Variants in LARGE1 observed in about 807,000 individuals in gnomAD.
The protein encoded by LARGE1 is xylosyl- and glucuronyltransferase LARGE1.
Under a neutral mutation model 87.6 loss-of-function variants are expected in LARGE1, and 43 were observed. The observed-to-expected ratio is 0.49, with a 90% confidence interval of 0.38 to 0.63. LARGE1 has a LOEUF of 0.63. Among genes scored for constraint, LARGE1 ranks in the 30% least tolerant of loss-of-function variants. The probability of loss-of-function intolerance (pLI) is 0.00; values close to 1 mark genes in which losing one functional copy is unlikely to be tolerated. For synonymous variants in LARGE1, 434 were observed against 394.6 expected, an observed-to-expected ratio of 1.10 and a Z score of -1.18; for missense variants, 802 against 1,000.2, an observed-to-expected ratio of 0.80 and a Z score of 2.67.
At chr22:33,346,301 CTTT>C (rs935097697) in intron 9 of LARGE1, among the ~76,000 whole-genome samples, 4 of 144,432 alleles carry the variant, frequency 2.8e-5, no homozygotes, top group Non-Finnish European at 4.7e-5. Flanking sequence ...CCTCCTTCTT[CTTT>C]TTCTTTTTTT....
downstream of LARGE1, among the ~76,000 whole-genome samples, chr22:33,270,705 T>G (rs1928196602): frequency 6.6e-6 from 1 of 152,204 alleles, no homozygotes; most frequent in African/African-American, 2.4e-5. Flanking sequence ...CACATTTCTT[T>G]CACTAACACA....
At chr22:33,093,334 T>C in the LARGE1 span, among the ~76,000 whole-genome samples, 2 of 152,098 alleles carry the variant, frequency 1.3e-5, no homozygotes, top group Admixed American at 6.5e-5. Flanking sequence ...GAACTGACAA[T>C]AGGCGGATTA....
intron 3 of LARGE1, among the ~76,000 whole-genome samples, chr22:33,627,037 T>C (rs2079943298): frequency 6.6e-6 from 1 of 152,172 alleles, no homozygotes; most frequent in Admixed American, 6.5e-5. Flanking sequence ...AAGAGGGGAA[T>C]ATGCTGCCCA....
intron 7 of LARGE1, among the ~76,000 whole-genome samples, chr22:33,413,891 A>G (rs1339866429): frequency 1.3e-5 from 2 of 152,224 alleles, no homozygotes; most frequent in Non-Finnish European, 2.9e-5. Context: ...TTAAGGCTGA[A>G]TAATATTCCA....
chr22:33,654,607 G>C (rs2080909598), intron 2 of LARGE1, among the ~76,000 whole-genome samples: 1 of 152,176 alleles, frequency 6.6e-6, no homozygotes, highest in Non-Finnish European at 1.5e-5. Context: ...GGGAGCACAA[G>C]CAGGAGAGAG....
the LARGE1 span, among the ~76,000 whole-genome samples, chr22:33,119,752 T>C: frequency 6.6e-6 from 1 of 152,240 alleles, no homozygotes; most frequent in Non-Finnish European, 1.5e-5. Context: ...CTTTCTGTTC[T>C]GCCCACTTAA....
chr22:33,117,701 G>C, the LARGE1 span, among the ~76,000 whole-genome samples: 1 of 152,190 alleles, frequency 6.6e-6, no homozygotes, highest in African/African-American at 2.4e-5. Context: ...AGAGGCATCA[G>C]ACGTTTACAA....
chr22:33,166,680 G>A (rs543738335), exon 12 of LARGE1: 6 of 463,904 alleles, frequency 1.3e-5, no homozygotes, highest in South Asian at 9.4e-5. Flanking sequence ...CTTCAACGTT[G>A]AGCCGTTCCA....
chr22:33,684,945 T>G (rs1036894874), intron 2 of LARGE1, among the ~76,000 whole-genome samples: 3 of 152,176 alleles, frequency 2.0e-5, no homozygotes. Context: ...TCCATGACCA[T>G]TGGTTTCATT....
chr22:33,189,233 G>A (rs1275683656), intron 11 of LARGE1, among the ~76,000 whole-genome samples: 7 of 152,172 alleles, frequency 4.6e-5, no homozygotes, highest in Admixed American at 4.6e-4. Flanking sequence ...GCACAGCCAT[G>A]CCAAGAGGAG....
chr22:33,222,277 C>G (rs1378223404), intron 11 of LARGE1, among the ~76,000 whole-genome samples: 1 of 152,168 alleles, frequency 6.6e-6, no homozygotes, highest in East Asian at 1.9e-4. Flanking sequence ...ACAGGAGAGA[C>G]AGCCAGGGTT....
intron 7 of LARGE1, among the ~76,000 whole-genome samples, chr22:33,417,161 T>C (rs1407445936): frequency 1.3e-5 from 2 of 152,160 alleles, no homozygotes; most frequent in African/African-American, 2.4e-5. Context: ...TGCCTCGGCC[T>C]CCCAAAATGC....
intron 2 of LARGE1, among the ~76,000 whole-genome samples, chr22:33,668,936 G>A (rs1057166531): frequency 1.3e-5 from 2 of 152,226 alleles, no homozygotes; most frequent in African/African-American, 4.8e-5. Flanking sequence ...GGGCAAGAGA[G>A]GGTTAATTTG....
At chr22:33,239,983 A>T (rs977182855) in intron 11 of LARGE1, among the ~76,000 whole-genome samples, 1 of 150,880 alleles carries the variant, frequency 6.6e-6, no homozygotes, top group East Asian at 1.9e-4. Flanking sequence ...TCTTGTGAAC[A>T]TATGTTTTCA....
At position 33,387,246 on chromosome 22, in the gene LARGE1, G is replaced by A. The variant is rs954165828; in HGVS notation, c.893-2942C>T. 4.4e-5 allele frequency among the ~76,000 whole-genome samples: 6 copies of A among 136,276 alleles called. 1 individual carries two copies. Among genetic ancestry groups the A allele is most frequent in the Non-Finnish European group, 8.4e-5 (5 of 59,404 alleles). 89.4% of individuals were successfully genotyped at this position (136,276 alleles called of 152,430 possible). A position where few individuals can be genotyped will look rare whatever the true frequency, so the allele number is the denominator to read the frequency against. ...CCAAGACCAGCCCCGCCAACATGGC[G>A]AAACCCCACCTCTACTAAAAATACA... On this transcript the variant is annotated intron_variant, in intron 7 of 14. Transcript: ENST00000397394.
chr22:33,303,068 G>C (rs1053924092), intron 12 of LARGE1, among the ~76,000 whole-genome samples: 2 of 152,166 alleles, frequency 1.3e-5, no homozygotes, highest in Non-Finnish European at 2.9e-5. Context: ...TGTGACTTTA[G>C]TTTTCTCATG....
intron 1 of LARGE1, among the ~76,000 whole-genome samples, chr22:33,784,824 C>T (rs752683928): frequency 1.3e-5 from 2 of 151,442 alleles, no homozygotes; most frequent in African/African-American, 2.4e-5. Context: ...TGTATATACA[C>T]ATATATGTAT....
Position 33,304,372 on chromosome 22 carries a change from C to T in LARGE1, c.1587G>A (p.Val529=). 6.2e-7 allele frequency: 1 copy of T among 1,614,248 alleles called. No homozygotes were observed. The highest frequency in any genetic ancestry group is 1.3e-5 in the African/African-American group (1 of 75,066). ...CCTCCTTGTACACGATGTGGTAGCC[C>T]ACGTTGTGGCGGCTCATAAGCACCT... The part of the protein sequence containing the change: ...GSEVLMSRHN[V]GYHIVYKEGQ... Residue 529 remains valine, a synonymous_variant, in exon 12 of 15, where the codon GTG becomes GTA. Transcript: ENST00000397394.
intron 2 of LARGE1, among the ~76,000 whole-genome samples, chr22:33,701,751 T>C (rs945647319): frequency 6.6e-6 from 1 of 152,246 alleles, no homozygotes; most frequent in Admixed American, 6.5e-5. Flanking sequence ...GTCATTTATC[T>C]GGCTGCTTTG....
Sources: allele counts gnomAD v4.1 joint callset (sites outside exome capture counted in the v4.1 genomes callset), GRCh38; gene constraint gnomAD v4.1.1; transcripts MANE v1.5; gene names NCBI Gene and HGNC (gene_info 2026-07-23, HGNC 2026-07-21).